CAPN12: variants seen among roughly 807,000 people sequenced by gnomAD.
The protein encoded by CAPN12 is calpain-12.
A neutral mutation model predicts 95.0 loss-of-function variants in CAPN12; 107 were observed. That is an observed-to-expected ratio of 1.13 (90% CI 0.96 to 1.32). The LOEUF (loss-of-function observed/expected upper bound fraction) is 1.32. Among genes scored for constraint, CAPN12 ranks in the 40% most tolerant of loss-of-function variants. CAPN12 has a pLI of 0.00. For synonymous variants in CAPN12, 505 were observed against 415.5 expected (o/e 1.22, Z -2.62); for missense variants, 1,136 against 997.8 (o/e 1.14, Z -1.87).
intron 18 of CAPN12, 127 bp from the exon 19 acceptor site, chr19:38,731,350 C>T (rs1465541517): frequency 3.6e-5 from 26 of 715,962 alleles, no homozygotes; most frequent in South Asian, 7.9e-5. Flanking sequence ...TGCCCCATCC[C>T]GGCAGGGTGA....
chr19:38,738,209 G>T, intron 8 of CAPN12, 64 bp downstream of exon 8: 2 of 1,532,916 alleles, frequency 1.3e-6, no homozygotes, highest in Non-Finnish European at 1.8e-6. Context: ...ACTGGGGCTC[G>T]CCCTCCCTGA....
rs549211840 is a variant in CAPN12 at position 38,730,306 on chromosome 19, T to C, written c.*546A>G. Reference sequence around the variant, plus strand: ...CATAATGAAGACATAGCCGATTCTCTGCCCGGGCCCCTTGCTGATGCTCCT... The same window carrying C: ...CATAATGAAGACATAGCCGATTCTCCGCCCGGGCCCCTTGCTGATGCTCCT... On this transcript the variant is annotated 3_prime_UTR_variant, in exon 21 of 21. Coordinates refer to ENST00000328867, the MANE Select transcript of CAPN12 (RefSeq NM_144691.4). 1.1e-4 allele frequency: 18 copies of C among 163,564 alleles called. No homozygotes were observed. Among genetic ancestry groups the C allele is most frequent in the Non-Finnish European group, 2.4e-4 (18 of 74,342 alleles). 10.1% of individuals were successfully genotyped at this position (163,564 alleles called of 1,614,324 possible).
chr19:38,732,036 G>A (rs1568764957), intron 18 of CAPN12, among the ~76,000 whole-genome samples: 1 of 152,270 alleles, frequency 6.6e-6, no homozygotes, highest in African/African-American at 2.4e-5. Context: ...GCCAGATGGG[G>A]TGGAAGGACC....
intron 18 of CAPN12, among the ~76,000 whole-genome samples, chr19:38,732,313 T>A (rs746986233): frequency 6.6e-6 from 1 of 152,176 alleles, no homozygotes; most frequent in Non-Finnish European, 1.5e-5. Flanking sequence ...ACCCCATTTC[T>A]CCCCCTTTGA....
At position 38,743,910 on chromosome 19, in the gene CAPN12, G is replaced by T. The variant is rs1970737795; in HGVS notation, c.237+19C>A. The stretch of plus-strand genomic sequence containing the variant: ...CTCCTCCCTCAGACCCCAGAGCCCA[G>T]ACCCCAGCCACACTTTACATGGGGC... On this transcript the variant is annotated intron_variant, in intron 1 of 20. Coordinates refer to ENST00000328867, the MANE Select transcript of CAPN12 (RefSeq NM_144691.4). 1 of 1,611,212 alleles carries T rather than the reference G, an allele frequency of 6.2e-7. No individual in the cohort carries two copies. The highest frequency in any genetic ancestry group is 8.5e-7 in the Non-Finnish European group (1 of 1,177,964).
chr19:38,736,825 C>G (rs1343230661), intron 10 of CAPN12: 3 of 591,794 alleles, frequency 5.1e-6, no homozygotes, highest in Non-Finnish European at 9.0e-6. Flanking sequence ...CTCTCTGTCC[C>G]TAACCTCGTC....
intron 18 of CAPN12, chr19:38,733,080 C>T (rs920103795): frequency 7.3e-5 from 11 of 150,788 alleles, no homozygotes; most frequent in Non-Finnish European, 1.3e-4. Context: ...GCATGGACGA[C>T]TCCTCACCAC....
intron 4 of CAPN12, among the ~76,000 whole-genome samples, chr19:38,741,341 G>A (rs62120083): frequency 0.36 from 55,042 of 151,912 alleles, 11,552 homozygotes; most frequent in Non-Finnish European, 0.47. Context: ...GGGAGGCCAA[G>A]GAAGGTGGAT....
chr19:38,736,537 C>T lies in CAPN12; in HGVS notation c.1374+15G>A, dbSNP rs1194297732. On this transcript the variant is annotated intron_variant, in intron 11 of 20. Transcript: ENST00000328867. ...GACCAAGCCCCAGGGCCGGTTGACC[C>T]CATCCCAGACTCACCTCCTCTGGAA... is the stretch of plus-strand genomic sequence containing the variant. 3.3e-6 allele frequency: 5 copies of T among 1,508,600 alleles called. No individual in the cohort carries two copies. In the African/African-American group the frequency reaches 6.3e-5, roughly 19 times the overall value. The allele number at this position is 1,508,600 out of a possible 1,614,324, so 93.5% of individuals were successfully genotyped here.
At position 38,736,140 on chromosome 19, in the gene CAPN12, C is replaced by G; in HGVS notation, c.1553G>C (p.Arg518Pro). ...CGTGTGGCGGCGCTCGGAGAAGACA[C>G]GCAGAGTGAAGTCAGCCTCGTCGCC... ...HAGDEADFTL[R>P]VFSERRHTAV... is the part of the protein sequence containing the mutation. The change falls in exon 12 of 21, where the codon CGT becomes CCT. Residue 518 changes from arginine to proline, a missense_variant. Physicochemically the swap from Arg to Pro is moderately radical, Grantham distance 103. Coordinates refer to ENST00000328867, the MANE Select transcript of CAPN12 (RefSeq NM_144691.4). 1.3e-6 allele frequency: 2 copies of G among 1,513,386 alleles called. No homozygotes were observed. The highest frequency in any genetic ancestry group is 2.7e-5 in the East Asian group (1 of 37,142). The allele number at this position is 1,513,386 out of a possible 1,614,324, so 93.7% of individuals were successfully genotyped here.
In CAPN12 at chr19:38,737,366, C is replaced by T. The variant is rs763867597; in HGVS notation, c.1152G>A (p.Gln384=). 1 of 1,608,446 alleles carries T rather than the reference C, an allele frequency of 6.2e-7. No homozygotes were observed. The highest frequency in any genetic ancestry group is 1.1e-5 in the South Asian group (1 of 90,848). ...CAGGCTCCAGCAGCGTTAAACGGAACTGAGGATTGGTCCAGAAGGTTTCTA... is the reference window on the plus strand; with the variant it reads ...CAGGCTCCAGCAGCGTTAAACGGAATTGAGGATTGGTCCAGAAGGTTTCTA... The part of the protein sequence containing the change: ...PNAETFWTNP[Q]FRLTLLEPDE... The change falls in exon 10 of 21, where the codon CAG becomes CAA. Residue 384 remains glutamine, a synonymous_variant. Coordinates refer to ENST00000328867, the MANE Select transcript of CAPN12 (RefSeq NM_144691.4).
intron 8 of CAPN12, among the ~76,000 whole-genome samples, chr19:38,737,867 T>C (rs1221020411): frequency 2.6e-5 from 4 of 151,890 alleles, no homozygotes; most frequent in Admixed American, 2.6e-4. Flanking sequence ...CCCCCAAATA[T>C]CGTTAAATTG....
intron 11 of CAPN12, 95 bp downstream of exon 11, chr19:38,736,457 C>T (rs1970160000): frequency 1.5e-5 from 23 of 1,508,052 alleles, no homozygotes; most frequent in Non-Finnish European, 2.0e-5. Flanking sequence ...CCCCCCCACC[C>T]CCAGGGCAGT....
In CAPN12 at chr19:38,730,628, G is replaced by A; in HGVS notation, c.*224C>T. The A allele has an allele frequency of 1.6e-6, 1 of 613,662 alleles. No homozygotes were observed. The highest frequency in any genetic ancestry group is 2.9e-6 in the Non-Finnish European group (1 of 343,958). 38.0% of individuals were successfully genotyped at this position (613,662 alleles called of 1,614,324 possible). ...TAGCACTGTCTTAAGCTGTCAACGT[G>A]GACTAGCTCGTGTCATCTGCTCGAG... is the stretch of plus-strand genomic sequence containing the variant. On this transcript the variant is annotated 3_prime_UTR_variant, in exon 21 of 21. Coordinates refer to ENST00000328867, the MANE Select transcript of CAPN12 (RefSeq NM_144691.4).
At position 38,731,182 on chromosome 19, in the gene CAPN12, G is replaced by C; in HGVS notation, c.1999C>G (p.Arg667Gly). ...ACACGCAGACGGCTATCCCGGTAGC[G>C]GCTGGTGAGGGTCTGGGTCAGCTGG... ...NNQLTQTLTSRYRDSRLRVDF... is the reference protein window; with the variant it reads ...NNQLTQTLTSGYRDSRLRVDF... The change falls in exon 19 of 21, where the codon CGC (arginine) becomes GGC (glycine). Residue 667 changes from arginine to glycine, a missense_variant. Coordinates refer to ENST00000328867, the MANE Select transcript of CAPN12 (RefSeq NM_144691.4). 6.2e-7 allele frequency: 1 copy of C among 1,612,968 alleles called. No homozygotes were observed. The highest frequency in any genetic ancestry group is 1.3e-5 in the African/African-American group (1 of 75,042).
intron 5 of CAPN12, chr19:38,738,979 A>T (rs996988776): frequency 3.4e-5 from 13 of 381,936 alleles, no homozygotes; most frequent in African/African-American, 2.7e-4. Context: ...AAAAATTTTA[A>T]AAATTCAACA....
At chr19:38,736,836 CCTCTGTCT>C in intron 10 of CAPN12, 1 of 587,910 alleles carries the variant, frequency 1.7e-6, no homozygotes, top group Non-Finnish European at 3.0e-6. Flanking sequence ...TAACCTCGTC[CCTCTGTCT>C]GTCCCTGAGC....
rs562055209 is a variant in CAPN12, at chr19:38,735,616, G to A, written c.1584-72C>T. The A allele has an allele frequency of 5.8e-4, 882 of 1,524,792 alleles. 1 individual carries two copies. Among genetic ancestry groups the A allele is most frequent in the Non-Finnish European group, 7.0e-4 (781 of 1,123,260 alleles). The allele number at this position is 1,524,792 out of a possible 1,614,324, so 94.5% of individuals were successfully genotyped here. On this transcript the variant is annotated intron_variant, in intron 12 of 20. Transcript: ENST00000328867. Reference sequence around the variant, plus strand: ...TGGGGCTGTGTGGGACGGGGTCTCAGGTGAGGAATCGCGTGGGGTCTAGGT... The same window carrying A: ...TGGGGCTGTGTGGGACGGGGTCTCAAGTGAGGAATCGCGTGGGGTCTAGGT...
In CAPN12 at chr19:38,733,103, CTTTT is replaced by C. The variant is rs1172061885; in HGVS notation, c.1957+596_1957+599del. 9.0e-4 allele frequency: 122 copies of C among 136,310 alleles called. 1 individual carries two copies. Among genetic ancestry groups the C allele is most frequent in the African/African-American group, 3.1e-3 (114 of 37,102 alleles). The allele number at this position is 136,310 out of a possible 1,614,324, so 8.4% of individuals were successfully genotyped here. Reference sequence around the variant, plus strand: ...GACTCCTCACCACCCTGTGTACTAGCTTTTTTTTTTTTTTTTTGAGAGGCAGGCT... The same window carrying C: ...GACTCCTCACCACCCTGTGTACTAGCTTTTTTTTTTTTTGAGAGGCAGGCT... On this transcript the variant is annotated intron_variant, in intron 18 of 20. Coordinates refer to ENST00000328867, the MANE Select transcript of CAPN12 (RefSeq NM_144691.4).
Sources: gnomAD v4.1 joint callset for allele counts (sites outside exome capture counted in the v4.1 genomes callset) on GRCh38, gnomAD v4.1.1 for gene constraint, MANE v1.5 for transcripts, NCBI Gene and HGNC (gene_info 2026-07-23, HGNC 2026-07-21) for gene names.